Variants in MGLL observed in about 807,000 individuals in gnomAD.
MGLL encodes monoglyceride lipase.
Under a neutral mutation model 29.1 loss-of-function variants are expected in MGLL, and 7 were observed. That is an observed-to-expected ratio of 0.24 (90% CI 0.14 to 0.45). The LOEUF is 0.45. Ranked by LOEUF, MGLL falls within the 20% of genes least tolerant of loss-of-function variation. The probability of loss-of-function intolerance (pLI) is 0.99; values close to 1 mark genes in which losing one functional copy is unlikely to be tolerated. For missense variants in MGLL, 356 were observed against 413.6 expected (o/e 0.86, Z 1.21); for synonymous variants, 148 against 168.3 (o/e 0.88, Z 0.93).
intron 3 of MGLL, chr3:127,736,461 G>T: frequency 3.3e-6 from 2 of 601,556 alleles, no homozygotes; most frequent in Non-Finnish European, 4.2e-6. Context: ...AAATGGCTCC[G>T]CTGCCCTGGA....
chr3:127,777,411 G>A (rs1353834110), intron 3 of MGLL, among the ~76,000 whole-genome samples: 1 of 152,246 alleles, frequency 6.6e-6, no homozygotes, highest in Non-Finnish European at 1.5e-5. Flanking sequence ...GTTTGGGTCA[G>A]TAGTTAAAAA....
intron 6 of MGLL, among the ~76,000 whole-genome samples, chr3:127,701,215 C>CAAAAA (rs60128956): frequency 7.1e-5 from 4 of 56,440 alleles, no homozygotes; most frequent in African/African-American, 9.4e-5. Flanking sequence ...ACCCTGCCTC[C>CAAAAA]AAAAAAAAAA....
intron 3 of MGLL, among the ~76,000 whole-genome samples, chr3:127,749,823 G>A (rs2076523696): frequency 6.6e-6 from 1 of 152,178 alleles, no homozygotes; most frequent in Non-Finnish European, 1.5e-5. Flanking sequence ...TGTTTTAGAG[G>A]AGGCCTAGCT....
chr3:127,751,542 G>A (rs983772207), intron 3 of MGLL, among the ~76,000 whole-genome samples: 2 of 151,812 alleles, frequency 1.3e-5, no homozygotes, highest in African/African-American at 4.8e-5. Context: ...GCTGCCATGC[G>A]ACCTGCAGCT....
At chr3:127,726,569 C>T (rs7651126) in intron 3 of MGLL, among the ~76,000 whole-genome samples, 39,342 of 151,934 alleles carry the variant, frequency 0.26, 5,290 homozygotes, top group Middle Eastern at 0.5. Flanking sequence ...GCTGGGACTA[C>T]AGGTGCCCAC....
intron 2 of MGLL, among the ~76,000 whole-genome samples, chr3:127,785,008 G>A (rs997143213): frequency 3.3e-5 from 5 of 152,140 alleles, no homozygotes; most frequent in African/African-American, 7.2e-5. Context: ...TGTGCCAGGC[G>A]ATAGTGTGCT....
intron 2 of MGLL, among the ~76,000 whole-genome samples, chr3:127,807,139 T>C (rs968362414): frequency 1.4e-4 from 21 of 152,196 alleles, no homozygotes; most frequent in African/African-American, 4.8e-4. Flanking sequence ...TGTTGGTAGT[T>C]TTTTTAGTTT....
At chr3:127,823,164 G>T (rs1184254501), upstream of MGLL, 1 of 151,708 alleles carries the variant, frequency 6.6e-6, no homozygotes, top group African/African-American at 2.4e-5. Flanking sequence ...GACGAGCTGC[G>T]CGCGACCGGC....
intron 3 of MGLL, among the ~76,000 whole-genome samples, chr3:127,731,560 G>A (rs2076150717): frequency 6.6e-6 from 1 of 152,038 alleles, no homozygotes; most frequent in African/African-American, 2.4e-5. Flanking sequence ...CCCGCTCCAG[G>A]CCACTGTCCC....
At chr3:127,754,207 G>A (rs2076614296) in intron 3 of MGLL, among the ~76,000 whole-genome samples, 3 of 151,998 alleles carry the variant, frequency 2.0e-5, no homozygotes, top group South Asian at 4.1e-4. Context: ...CAGAGGTCAC[G>A]ACCCGCCAGG....
chr3:127,724,862 C>T (rs751382399), intron 3 of MGLL, among the ~76,000 whole-genome samples: 4 of 151,376 alleles, frequency 2.6e-5, no homozygotes, highest in Admixed American at 6.5e-5. Flanking sequence ...ACCCTGGGGA[C>T]GTAGTATCAC....
intron 5 of MGLL, among the ~76,000 whole-genome samples, chr3:127,720,760 G>A (rs536693963): frequency 1.2e-3 from 182 of 152,296 alleles, no homozygotes; most frequent in African/African-American, 3.5e-3. Context: ...GTTAACAAAC[G>A]TGACTTTGCT....
At chr3:127,735,839 C>A (rs1417105222) in intron 3 of MGLL, 1 of 1,597,626 alleles carries the variant, frequency 6.3e-7, no homozygotes, top group Non-Finnish European at 8.5e-7. Context: ...GGGGAAGATC[C>A]TTCTGAATCT....
chr3:127,792,681 G>A (rs2077321358), intron 2 of MGLL, among the ~76,000 whole-genome samples: 1 of 151,702 alleles, frequency 6.6e-6, no homozygotes, highest in Non-Finnish European at 1.5e-5. Flanking sequence ...CCAGCCTAGT[G>A]ACAGAGCGAG....
At chr3:127,813,373 C>T in intron 2 of MGLL, among the ~76,000 whole-genome samples, 1 of 152,176 alleles carries the variant, frequency 6.6e-6, no homozygotes, top group Non-Finnish European at 1.5e-5. Flanking sequence ...CACTTATTAG[C>T]AGCCTCGGCG....
intron 2 of MGLL, among the ~76,000 whole-genome samples, chr3:127,792,678 A>G (rs1178768721): frequency 6.6e-6 from 1 of 151,798 alleles, no homozygotes; most frequent in Non-Finnish European, 1.5e-5. Context: ...ACTCCAGCCT[A>G]GTGACAGAGC....
intron 2 of MGLL, among the ~76,000 whole-genome samples, chr3:127,784,982 C>G (rs2077188280): frequency 6.6e-6 from 1 of 152,214 alleles, no homozygotes; most frequent in Admixed American, 6.5e-5. Flanking sequence ...CCGAGGCCTC[C>G]TTTCTGGTGC....
chr3:127,768,624 G>A (rs1321225035), intron 3 of MGLL, among the ~76,000 whole-genome samples: 1 of 152,150 alleles, frequency 6.6e-6, no homozygotes, highest in African/African-American at 2.4e-5. Flanking sequence ...TTTCCCAAGA[G>A]TTCCACTCTG....
At chr3:127,696,703 C>T (rs149678457) in intron 6 of MGLL, among the ~76,000 whole-genome samples, 60 of 152,130 alleles carry the variant, frequency 3.9e-4, no homozygotes, top group African/African-American at 1.3e-3. Context: ...CATGAGCTAC[C>T]GCGCCCGGCC....
Sources: gnomAD v4.1 joint callset for allele counts (sites outside exome capture counted in the v4.1 genomes callset) on GRCh38, gnomAD v4.1.1 for gene constraint, MANE v1.5 for transcripts, NCBI Gene and HGNC (gene_info 2026-07-23, HGNC 2026-07-21) for gene names.